The following GAB2 variants were observed in gnomAD, a reference collection of about 807,000 sequenced individuals.
GAB2 encodes GRB2-associated-binding protein 2.
Under a neutral mutation model 65.5 loss-of-function variants are expected in GAB2, and 26 were observed. The ratio of observed to expected loss-of-function variants is 0.40; its 90% CI spans 0.29 to 0.55. The LOEUF (loss-of-function observed/expected upper bound fraction) is 0.55. GAB2 is among the 20% of genes least tolerant of loss of function. GAB2 has a pLI of 0.53. For synonymous variants in GAB2, 321 were observed against 329.6 expected, an observed-to-expected ratio of 0.97 and a Z score of 0.28; for missense variants, 884 against 875.8, an observed-to-expected ratio of 1.01 and a Z score of -0.12.
intron 1 of GAB2, among the ~76,000 whole-genome samples, chr11:78,401,807 G>T (rs1856977188): frequency 6.6e-6 from 1 of 152,170 alleles, no homozygotes; most frequent in African/African-American, 2.4e-5. Context: ...GATCCAATGT[G>T]AATGATAAAA....
At position 78,323,586 on chromosome 11, in the gene GAB2, T is replaced by C. The variant is rs117322448; in HGVS notation, c.76-42685A>G. 4.5e-4 allele frequency among the ~76,000 whole-genome samples: 67 copies of C among 149,326 alleles called. No individual in the cohort carries two copies. The East Asian group carries it at 0.013, about 28-fold the overall frequency. On this transcript the variant is annotated intron_variant, in intron 1 of 9. Transcript: ENST00000361507. ...TCACTTATATGTGGGAGCTAAATAT[T>C]GGGTATACACAGACATAAAGACGGA...
At chr11:78,266,297 G>A (rs1184870012) in intron 2 of GAB2, among the ~76,000 whole-genome samples, 1 of 150,006 alleles carries the variant, frequency 6.7e-6, no homozygotes, top group Non-Finnish European at 1.5e-5. Flanking sequence ...ATCTAAAGAG[G>A]AATAAGACGC....
At chr11:78,261,077 ATGTG>A in intron 2 of GAB2, among the ~76,000 whole-genome samples, 1 of 151,712 alleles carries the variant, frequency 6.6e-6, no homozygotes, top group Non-Finnish European at 1.5e-5. Flanking sequence ...GTATATATAT[ATGTG>A]TGTGTGTATA....
chr11:78,243,684 CA>C (rs201157622), intron 3 of GAB2, among the ~76,000 whole-genome samples: 14 of 144,768 alleles, frequency 9.7e-5, no homozygotes, highest in African/African-American at 1.3e-4. Flanking sequence ...ACTAAAAATA[CA>C]AAAAAAAAAT....
intron 1 of GAB2, among the ~76,000 whole-genome samples, chr11:78,394,355 G>C (rs1300804170): frequency 5.9e-5 from 9 of 152,090 alleles, no homozygotes; most frequent in Admixed American, 5.9e-4. Flanking sequence ...ATGTGCTCCT[G>C]CACTGTCCCT....
chr11:78,320,725 C>CTTT lies in GAB2; in HGVS notation c.76-39827_76-39825dup, dbSNP rs72241707. Among the ~76,000 whole-genome samples the CTTT allele has an allele frequency of 4.9e-5, 5 of 102,470 alleles. No homozygotes were observed. In the South Asian group the frequency reaches 1.6e-3, roughly 32 times the overall value. 67.2% of individuals were successfully genotyped at this position (102,470 alleles called of 152,430 possible). On this transcript the variant is annotated intron_variant, in intron 1 of 9. Coordinates refer to ENST00000361507, the MANE Select transcript of GAB2 (RefSeq NM_080491.3). ...ATGACCACACCTGGATAATTTTTGC[C>CTTT]TTTTTTTTTTTTTTTTTTTTTGGTA... is the stretch of plus-strand genomic sequence containing the variant.
chr11:78,353,213 G>T (rs1215636236), intron 1 of GAB2, among the ~76,000 whole-genome samples: 1 of 152,152 alleles, frequency 6.6e-6, no homozygotes, highest in Non-Finnish European at 1.5e-5. Context: ...GGCTGAGGTG[G>T]GCGGATCACT....
chr11:78,276,494 C>T (rs919111515), intron 2 of GAB2, among the ~76,000 whole-genome samples: 2 of 152,120 alleles, frequency 1.3e-5, no homozygotes, highest in African/African-American at 4.8e-5. Context: ...GTGTATGTGT[C>T]GCTAATCTTG....
At chr11:78,267,320 A>G (rs1483455378) in intron 2 of GAB2, among the ~76,000 whole-genome samples, 2 of 152,208 alleles carry the variant, frequency 1.3e-5, no homozygotes, top group African/African-American at 4.8e-5. Context: ...CCTGGCCATG[A>G]GTACAGAAGC....
intron 2 of GAB2, among the ~76,000 whole-genome samples, chr11:78,263,021 G>C (rs756829136): frequency 2.0e-5 from 3 of 152,182 alleles, no homozygotes; most frequent in African/African-American, 7.2e-5. Context: ...AAAGCCTAAA[G>C]TATTTACTAT....
In GAB2 at chr11:78,217,671, A is replaced by T. The variant is rs571464242; in HGVS notation, c.*1601T>A. The T allele has an allele frequency of 6.6e-6, 1 of 152,394 alleles. No homozygotes were observed. The highest frequency in any genetic ancestry group is 2.4e-5 in the African/African-American group (1 of 41,576). 9.4% of individuals were successfully genotyped at this position (152,394 alleles called of 1,614,324 possible). On this transcript the variant is annotated 3_prime_UTR_variant, in exon 10 of 10. Coordinates refer to ENST00000361507, the MANE Select transcript of GAB2 (RefSeq NM_080491.3). Reference sequence around the variant, plus strand: ...AAAAACATTCAGATCCCCCACCCTTAGTTTAAGAGAAGGAACCTTGGGTGA... The same window carrying T: ...AAAAACATTCAGATCCCCCACCCTTTGTTTAAGAGAAGGAACCTTGGGTGA...
chr11:78,303,188 G>A (rs1475786226), intron 1 of GAB2, among the ~76,000 whole-genome samples: 2 of 150,100 alleles, frequency 1.3e-5, no homozygotes, highest in Non-Finnish European at 2.9e-5. Context: ...CCAAAAACCT[G>A]TGGAAATACA....
At chr11:78,334,571 T>G (rs1454904927) in intron 1 of GAB2, among the ~76,000 whole-genome samples, 1 of 152,250 alleles carries the variant, frequency 6.6e-6, no homozygotes, top group Non-Finnish European at 1.5e-5. Flanking sequence ...ATCCATGTTG[T>G]TGCAAATGAG....
intron 2 of GAB2, among the ~76,000 whole-genome samples, chr11:78,263,948 C>A (rs1435917766): frequency 6.7e-6 from 1 of 149,270 alleles, no homozygotes; most frequent in Non-Finnish European, 1.5e-5. Flanking sequence ...GAGCAATAAA[C>A]ATAACTTCTG....
At chr11:78,350,445 C>T (rs898090879) in intron 1 of GAB2, among the ~76,000 whole-genome samples, 5 of 152,202 alleles carry the variant, frequency 3.3e-5, no homozygotes, top group Non-Finnish European at 4.4e-5. Context: ...TATAATCTCC[C>T]TAAACCCTCA....
At chr11:78,361,392 C>T (rs141429609) in intron 1 of GAB2, among the ~76,000 whole-genome samples, 1 of 152,208 alleles carries the variant, frequency 6.6e-6, no homozygotes, top group East Asian at 1.9e-4. Context: ...TCAAATCCTG[C>T]ATGGCAACAC....
At chr11:78,382,557 C>G (rs1026821495) in intron 1 of GAB2, among the ~76,000 whole-genome samples, 4 of 152,044 alleles carry the variant, frequency 2.6e-5, no homozygotes, top group African/African-American at 9.7e-5. Context: ...GATACTTACA[C>G]TTTAATGCCT....
rs1590947230 is a variant in GAB2 at position 78,228,431 on chromosome 11, A to C, written c.621-1380T>G. On this transcript the variant is annotated intron_variant, in intron 3 of 9. Transcript: ENST00000361507. ...AAAAGCTCTTGGAGTGTCTCATCAG[A>C]AAAGGCAAATCTCGTATACATATAA... is the stretch of plus-strand genomic sequence containing the variant. 2.0e-5 allele frequency among the ~76,000 whole-genome samples: 3 copies of C among 152,230 alleles called. No homozygotes were observed. The East Asian group carries it at 5.8e-4, about 29-fold the overall frequency.
At chr11:78,417,619 C>T (rs768623730) in intron 1 of GAB2, 27 bp downstream of exon 1, 37 of 1,289,576 alleles carry the variant, frequency 2.9e-5, no homozygotes, top group Non-Finnish European at 3.8e-5. Context: ...CCCCCGCCCG[C>T]CCCTGGGCGG....
Sources: gnomAD v4.1 joint callset for allele counts (sites outside exome capture counted in the v4.1 genomes callset) on GRCh38, gnomAD v4.1.1 for gene constraint, MANE v1.5 for transcripts, NCBI Gene and HGNC (gene_info 2026-07-23, HGNC 2026-07-21) for gene names.